CNTLN: variants seen among roughly 807,000 people sequenced by gnomAD.
The protein encoded by CNTLN is centlein.
Under a neutral mutation model 180.0 loss-of-function variants are expected in CNTLN, and 212 were observed. The observed-to-expected ratio is 1.18, with a 90% CI of 1.05 to 1.32. The LOEUF is 1.32. Ranked by LOEUF, CNTLN falls within the 40% of genes most tolerant of loss-of-function variation. The pLI, the probability that CNTLN is intolerant of heterozygous loss-of-function variation, is 0.00. For missense variants in CNTLN, 2,095 were observed against 1,610.9 expected, an observed-to-expected ratio of 1.30 and a Z score of -5.14; for synonymous variants, 722 against 563.1, an observed-to-expected ratio of 1.28 and a Z score of -3.99.
chr9:17,266,555 T>A (rs538639306), intron 5 of CNTLN, among the ~76,000 whole-genome samples: 1 of 152,132 alleles, frequency 6.6e-6, no homozygotes, highest in Non-Finnish European at 1.5e-5. Flanking sequence ...CTATTAAGTC[T>A]GCTTGGTGCA....
At chr9:17,374,863 G>GA (rs760727644) in intron 13 of CNTLN, among the ~76,000 whole-genome samples, 1,895 of 129,978 alleles carry the variant, frequency 0.015, 30 homozygotes, top group African/African-American at 0.042. Flanking sequence ...TCCATCTCAG[G>GA]AAAAAAAAAA....
In CNTLN at chr9:17,409,217, T is replaced by C. The variant is rs1474483969; in HGVS notation, c.2616-76T>C. 5.3e-6 allele frequency: 7 copies of C among 1,320,174 alleles called. No individual in the cohort carries two copies. In the South Asian group the frequency reaches 7.8e-5, roughly 15 times the overall value. 81.8% of individuals were successfully genotyped at this position (1,320,174 alleles called of 1,614,324 possible). On this transcript the variant is annotated intron_variant, in intron 15 of 25. Transcript: ENST00000380647. ...TATACAATCTATGCTAAAATATTAT[T>C]TGGTCTTGAACTTAAGACAAGTACA...
intron 2 of CNTLN, among the ~76,000 whole-genome samples, chr9:17,213,810 G>A (rs1239288415): frequency 2.0e-5 from 3 of 152,058 alleles, no homozygotes; most frequent in African/African-American, 4.8e-5. Context: ...CCATTATGTA[G>A]TGGCCTTCTT....
At chr9:17,280,731 A>G (rs1208398032) in intron 6 of CNTLN, among the ~76,000 whole-genome samples, 1 of 152,186 alleles carries the variant, frequency 6.6e-6, no homozygotes, top group Non-Finnish European at 1.5e-5. Context: ...AAGATAATTT[A>G]TCTCTCTGGT....
intron 15 of CNTLN, among the ~76,000 whole-genome samples, chr9:17,403,078 G>A (rs888659781): frequency 5.9e-5 from 9 of 151,694 alleles, no homozygotes; most frequent in African/African-American, 2.2e-4. Context: ...AGGAAAAGTT[G>A]GAAGATTGGT....
At chr9:17,516,142 G>C in the CNTLN span, among the ~76,000 whole-genome samples, 1 of 152,088 alleles carries the variant, frequency 6.6e-6, no homozygotes, top group South Asian at 2.1e-4. Flanking sequence ...TTTACTCAAA[G>C]ACACCTCTTT....
At chr9:17,314,212 AAATCCGTATTTTC>A (rs1261063279) in intron 8 of CNTLN, among the ~76,000 whole-genome samples, 1 of 152,094 alleles carries the variant, frequency 6.6e-6, no homozygotes, top group Non-Finnish European at 1.5e-5. Flanking sequence ...AGCTCCTTTA[AAATCCGTATTTTC>A]CTTCTCTATT....
At chr9:17,427,545 C>A (rs972091648) in intron 18 of CNTLN, among the ~76,000 whole-genome samples, 1 of 151,754 alleles carries the variant, frequency 6.6e-6, no homozygotes, top group Admixed American at 6.6e-5. Context: ...TGGCTGTTTT[C>A]TTTTTTTTCT....
At chr9:17,454,043 T>C (rs770950173) in intron 18 of CNTLN, among the ~76,000 whole-genome samples, 1 of 152,204 alleles carries the variant, frequency 6.6e-6, no homozygotes, top group Non-Finnish European at 1.5e-5. Flanking sequence ...GCATATCGTA[T>C]TTCTGGGTCC....
intron 5 of CNTLN, among the ~76,000 whole-genome samples, 194 bp downstream of exon 5, chr9:17,236,782 TG>T (rs944569226): frequency 6.6e-6 from 1 of 152,200 alleles, no homozygotes; most frequent in African/African-American, 2.4e-5. Flanking sequence ...TGACTTCAAA[TG>T]GTTATCCTAA....
downstream of CNTLN, among the ~76,000 whole-genome samples, chr9:17,507,459 A>T (rs2754299): frequency 0.94 from 143,784 of 152,206 alleles, 68,167 homozygotes; most frequent in Middle Eastern, 1. Flanking sequence ...AACATACAAA[A>T]GTAGATATCA....
chr9:17,511,624 T>C, the CNTLN span, among the ~76,000 whole-genome samples: 1 of 142,662 alleles, frequency 7.0e-6, no homozygotes, highest in Admixed American at 7.4e-5. Flanking sequence ...ATATGGCAAC[T>C]TGCTTTATCT....
At chr9:17,322,182 A>G (rs1375519184) in intron 8 of CNTLN, among the ~76,000 whole-genome samples, 1 of 152,134 alleles carries the variant, frequency 6.6e-6, no homozygotes, top group Non-Finnish European at 1.5e-5. Flanking sequence ...ATTTTTGGAT[A>G]GTTTGATATT....
chr9:17,181,250 A>G (rs1008546865), intron 2 of CNTLN, among the ~76,000 whole-genome samples: 3 of 152,128 alleles, frequency 2.0e-5, no homozygotes, highest in Non-Finnish European at 4.4e-5. Flanking sequence ...CATATTTGGT[A>G]AATTCTGTTG....
intron 15 of CNTLN, among the ~76,000 whole-genome samples, chr9:17,406,474 A>T (rs1375820325): frequency 6.6e-6 from 1 of 151,680 alleles, no homozygotes; most frequent in Non-Finnish European, 1.5e-5. Flanking sequence ...ATTTAGCCAG[A>T]TATCTAAAAC....
chr9:17,442,087 A>G (rs2584536), intron 18 of CNTLN, among the ~76,000 whole-genome samples: 76,942 of 152,024 alleles, frequency 0.51, 20,915 homozygotes, highest in Non-Finnish European at 0.61. Flanking sequence ...ATAATAGGAG[A>G]CGTAAGTACT....
chr9:17,312,397 A>ATTTT, intron 8 of CNTLN, among the ~76,000 whole-genome samples: 1 of 125,464 alleles, frequency 8.0e-6, no homozygotes, highest in African/African-American at 2.9e-5. Flanking sequence ...TTATTTATTT[A>ATTTT]TTTTTTTGAT....
chr9:17,330,423 C>G (rs926808742), intron 8 of CNTLN, among the ~76,000 whole-genome samples: 1 of 151,818 alleles, frequency 6.6e-6, no homozygotes, highest in Non-Finnish European at 1.5e-5. Context: ...TATGAAAATA[C>G]TTGCATATAG....
chr9:17,262,983 A>C (rs1370768204), intron 5 of CNTLN, among the ~76,000 whole-genome samples: 2 of 151,188 alleles, frequency 1.3e-5, no homozygotes, highest in Non-Finnish European at 2.9e-5. Context: ...TTTTGTTTTT[A>C]ATTCTATTTT....
Sources: allele counts gnomAD v4.1 joint callset (sites outside exome capture counted in the v4.1 genomes callset), GRCh38; gene constraint gnomAD v4.1.1; transcripts MANE v1.5; gene names NCBI Gene and HGNC (gene_info 2026-07-23, HGNC 2026-07-21).